CPXM1: variants seen among roughly 807,000 people sequenced by gnomAD.
CPXM1 encodes carboxypeptidase X, M14 family member 1, also known as probable carboxypeptidase X1.
Under a neutral mutation model 80.4 loss-of-function variants are expected in CPXM1, and 72 were observed. The observed-to-expected ratio is 0.90, with a 90% CI of 0.74 to 1.09. The LOEUF is 1.09. Among genes scored for constraint, CPXM1 ranks in the 50% least tolerant of loss-of-function variants. The probability of loss-of-function intolerance (pLI) is 0.00; values close to 1 mark genes in which losing one functional copy is unlikely to be tolerated. For synonymous variants in CPXM1, 403 were observed against 405.6 expected (o/e 0.99, Z 0.08); for missense variants, 892 against 999.4 (o/e 0.89, Z 1.45).
chr20:2,797,125 G>C (rs777120635), intron 6 of CPXM1, 31 bp from the exon 7 acceptor site: 1 of 1,613,750 alleles, frequency 6.2e-7, no homozygotes, highest in South Asian at 1.1e-5. Context: ...GGTAAAGGGT[G>C]TGTCCACAGT....
In CPXM1 at chr20:2,800,438, A is replaced by G. The variant is rs2088558902; in HGVS notation, c.135T>C (p.His45=). ...CCGCCGGCGGCTGTGCCGGGCTGCT[A>G]TGCAGGGCCGGGGTCGAGCCTGGGA... ...TKVPGSTPAL[H]SSPAQPPAET... Residue 45 remains histidine (H), a synonymous_variant, in exon 1 of 14, where the codon CAT becomes CAC. Coordinates refer to ENST00000380605, the MANE Select transcript of CPXM1 (RefSeq NM_019609.5). 6.6e-7 allele frequency: 1 copy of G among 1,519,704 alleles called. No individual in the cohort carries two copies. The highest frequency in any genetic ancestry group is 8.8e-7 in the Non-Finnish European group (1 of 1,141,544). 94.1% of individuals were successfully genotyped at this position (1,519,704 alleles called of 1,614,324 possible).
At position 2,795,521 on chromosome 20, in the gene CPXM1, G is replaced by C; in HGVS notation, c.1720+78C>G. 1 of 1,586,998 alleles carries C rather than the reference G, an allele frequency of 6.3e-7. No homozygotes were observed. The highest frequency in any genetic ancestry group is 8.6e-7 in the Non-Finnish European group (1 of 1,163,380). ...CACTTCAGAGTGGGAACAGACGCCAGCACTGTACGCAACCGCAGGCTGTCT... is the reference window on the plus strand; with the variant it reads ...CACTTCAGAGTGGGAACAGACGCCACCACTGTACGCAACCGCAGGCTGTCT... On this transcript the variant is annotated intron_variant, in intron 11 of 13. Coordinates refer to ENST00000380605, the MANE Select transcript of CPXM1 (RefSeq NM_019609.5). This position sits in a 1 kb window ranked among gnomAD's most constrained non-coding sequence, Gnocchi z 5.4.
In CPXM1 at chr20:2,800,405, A is replaced by G; in HGVS notation, c.168T>C (p.Ala56=). Residue 56 remains alanine (A), a synonymous_variant, in exon 1 of 14, where the codon GCT becomes GCC. Transcript: ENST00000380605. ...ACCGTCGGTCGGGGAACTCACCGTT[A>G]GCTGTCTCCGCCGGCGGCTGTGCCG... is the stretch of plus-strand genomic sequence containing the variant. The part of the protein sequence containing the change: ...SSPAQPPAET[A]NGTSEQHVRI... 2 of 1,531,316 alleles carry G rather than the reference A, an allele frequency of 1.3e-6. No homozygotes were observed. Among genetic ancestry groups the G allele is most frequent in the Non-Finnish European group, 1.7e-6 (2 of 1,146,882 alleles). The allele number at this position is 1,531,316 out of a possible 1,614,324, so 94.9% of individuals were successfully genotyped here. A position where few individuals can be genotyped will look rare whatever the true frequency, so the allele number is the denominator to read the frequency against.
In CPXM1 at chr20:2,796,504, C is replaced by T; in HGVS notation, c.1045+23G>A. 6.2e-7 allele frequency: 1 copy of T among 1,613,798 alleles called. No individual in the cohort carries two copies. Among genetic ancestry groups the T allele is most frequent in the Non-Finnish European group, 8.5e-7 (1 of 1,179,798 alleles). ...CTGGGGCCCTGCCCTGTGCCTACCT[C>T]TCCCCACTCCCCATGCCAGTACCCA... On this transcript the variant is annotated intron_variant, in intron 8 of 13. Transcript: ENST00000380605. This position sits in a 1 kb window ranked among gnomAD's most constrained non-coding sequence, Gnocchi z 6.8.
In CPXM1 at chr20:2,800,510, C is replaced by G; in HGVS notation, c.63G>C (p.Ala21=). ...CGAGGCCCAGCACCGAGTTCCTGGG[C>G]GCCCCCAGAGCCGGGCCGACGGCCG... is the stretch of plus-strand genomic sequence containing the variant. ...FAPAVGPALG[A]PRNSVLGLAQ... is the part of the protein sequence containing the mutation. Residue 21 remains alanine, a synonymous_variant, in exon 1 of 14, where the codon GCG becomes GCC. Transcript: ENST00000380605. 1 of 1,376,730 alleles carries G rather than the reference C, an allele frequency of 7.3e-7. No homozygotes were observed. Among genetic ancestry groups the G allele is most frequent in the Non-Finnish European group, 9.3e-7 (1 of 1,071,626 alleles). The allele number at this position is 1,376,730 out of a possible 1,614,324, so 85.3% of individuals were successfully genotyped here. A position where few individuals can be genotyped will look rare whatever the true frequency, so the allele number is the denominator to read the frequency against.
intron 1 of CPXM1, 49 bp downstream of exon 1, chr20:2,800,352 G>A: frequency 1.4e-6 from 2 of 1,455,986 alleles, no homozygotes; most frequent in Non-Finnish European, 1.8e-6. Context: ...GGGCAGGAGA[G>A]CCGGGCAGTC....
chr20:2,800,429 C>T lies in CPXM1; in HGVS notation c.144G>A (p.Pro48=), dbSNP rs760947791. ...TAGCTGTCTCCGCCGGCGGCTGTGC[C>T]GGGCTGCTATGCAGGGCCGGGGTCG... ...PGSTPALHSS[P]AQPPAETANG... is the part of the protein sequence containing the mutation. The change falls in exon 1 of 14, where the codon CCG becomes CCA. Residue 48 remains proline (P), a synonymous_variant. Coordinates refer to ENST00000380605, the MANE Select transcript of CPXM1 (RefSeq NM_019609.5). The T allele has an allele frequency of 9.8e-6, 15 of 1,526,086 alleles. No homozygotes were observed. The highest frequency in any genetic ancestry group is 8.5e-5 in the South Asian group (7 of 82,012). The allele number at this position is 1,526,086 out of a possible 1,614,324, so 94.5% of individuals were successfully genotyped here. A position where few individuals can be genotyped will look rare whatever the true frequency, so the allele number is the denominator to read the frequency against.
Position 2,797,192 on chromosome 20 carries a change from C to T in CPXM1, c.832G>A (p.Asp278Asn). The change falls in exon 6 of 14, where the codon GAC becomes AAC. Residue 278 changes from aspartate (D) to asparagine (N), a missense_variant and splice_region_variant. Coordinates refer to ENST00000380605, the MANE Select transcript of CPXM1 (RefSeq NM_019609.5). ...RAEILACPVS[D>N]PNDLFLEAPA... ...AACCAACCCTGGCCTGACTGCCCAC[C>T]TGAGACTGGGCAGGCCAGGATCTCT... The T allele has an allele frequency of 6.3e-7, 1 of 1,596,074 alleles. No individual in the cohort carries two copies. Among genetic ancestry groups the T allele is most frequent in the East Asian group, 2.3e-5 (1 of 44,394 alleles).
At chr20:2,798,342 G>C in intron 3 of CPXM1, 51 bp from the exon 4 acceptor site, 1 of 1,607,700 alleles carries the variant, frequency 6.2e-7, no homozygotes. Context: ...AGTGGGGCAG[G>C]CCAGGACAGA....
chr20:2,798,108 C>G (rs533317054), intron 4 of CPXM1, 44 bp downstream of exon 4: 1 of 1,613,580 alleles, frequency 6.2e-7, no homozygotes, highest in Non-Finnish European at 8.5e-7. Flanking sequence ...GACTCCCACC[C>G]CAGTCCTTCT....
rs747229395 is a variant in CPXM1 at position 2,795,882 on chromosome 20, C to A, written c.1437G>T (p.Thr479=). ...GCTTCATCCACTTGATTACTGCCCG[C>A]GTTTCAGGAGCCACCTGGATGGGGC... ...TLPNATVAPE[T]RAVIKWMKRI... The change falls in exon 11 of 14, where the codon ACG becomes ACT. Residue 479 remains threonine, a synonymous_variant. Coordinates refer to ENST00000380605, the MANE Select transcript of CPXM1 (RefSeq NM_019609.5). This position sits in a 1 kb window ranked among gnomAD's most constrained non-coding sequence, Gnocchi z 5.4. The A allele has an allele frequency of 6.2e-7, 1 of 1,609,746 alleles. No homozygotes were observed. Among genetic ancestry groups the A allele is most frequent in the East Asian group, 2.2e-5 (1 of 44,760 alleles).
rs1395987449 is a variant in CPXM1 at position 2,797,322 on chromosome 20, G to A, written c.702C>T (p.Asp234=). The A allele has an allele frequency of 1.4e-5, 21 of 1,520,902 alleles. No homozygotes were observed. Among genetic ancestry groups the A allele is most frequent in the Non-Finnish European group, 1.8e-5 (21 of 1,136,222 alleles). The allele number at this position is 1,520,902 out of a possible 1,614,324, so 94.2% of individuals were successfully genotyped here. The change falls in exon 6 of 14, where the codon GAC becomes GAT. Residue 234 remains aspartate (D), a synonymous_variant. Coordinates refer to ENST00000380605, the MANE Select transcript of CPXM1 (RefSeq NM_019609.5). The part of the protein sequence containing the change: ...GMDAVFPANS[D]PETPVLNLLP... ...GGAGGTTCAGCACTGGAGTTTCTGG[G>A]TCTGAATTGGCAGGAAATACCTGGG...
chr20:2,797,871 T>A, intron 5 of CPXM1, 97 bp downstream of exon 5: 2 of 1,103,598 alleles, frequency 1.8e-6, no homozygotes, highest in Non-Finnish European at 2.7e-6. Context: ...AAGCCTAAGC[T>A]GGCGTCTATT....
chr20:2,800,187 G>A (rs1024424417), intron 1 of CPXM1, among the ~76,000 whole-genome samples: 1 of 151,786 alleles, frequency 6.6e-6, no homozygotes, highest in South Asian at 2.1e-4. Context: ...GTGAATGCGC[G>A]CGCGTGTGAG....
Position 2,795,211 on chromosome 20 carries a change from G to T in CPXM1, c.1860+66C>A. On this transcript the variant is annotated intron_variant, in intron 12 of 13. Coordinates refer to ENST00000380605, the MANE Select transcript of CPXM1 (RefSeq NM_019609.5). This position sits in a 1 kb window ranked among gnomAD's most constrained non-coding sequence, Gnocchi z 5.4. Reference sequence around the variant, plus strand: ...TGGACCTTAGAAGAACCCCTGGTAGGAGCTGTAGCCTAAATGGACAGCAGG... The same window carrying T: ...TGGACCTTAGAAGAACCCCTGGTAGTAGCTGTAGCCTAAATGGACAGCAGG... 1 of 1,566,148 alleles carries T rather than the reference G, an allele frequency of 6.4e-7. No individual in the cohort carries two copies.
At position 2,794,810 on chromosome 20, in the gene CPXM1, T is replaced by A. The variant is rs77723216; in HGVS notation, c.1861-171A>T. On this transcript the variant is annotated intron_variant, in intron 12 of 13. Coordinates refer to ENST00000380605, the MANE Select transcript of CPXM1 (RefSeq NM_019609.5). This position sits in a 1 kb window ranked among gnomAD's most constrained non-coding sequence, Gnocchi z 5.2. ...AAAAAAAGAAATCCTGATTGACAAA[T>A]CACATCTGGACTAAGAAAATGATAA... is the stretch of plus-strand genomic sequence containing the variant. Among the ~76,000 whole-genome samples the A allele has an allele frequency of 0.066, 9,972 of 151,900 alleles. 713 individuals are homozygous for A. Among genetic ancestry groups the A allele is most frequent in the East Asian group, 0.2 (1,027 of 5,172 alleles).
At position 2,798,183 on chromosome 20, in the gene CPXM1, C is replaced by T. The variant is rs2088529736; in HGVS notation, c.559G>A (p.Val187Ile). 5.6e-6 allele frequency: 9 copies of T among 1,614,038 alleles called. No homozygotes were observed. The highest frequency in any genetic ancestry group is 1.1e-5 in the South Asian group (1 of 91,078). The change falls in exon 4 of 14, where the codon GTT (valine) becomes ATT (isoleucine). Residue 187 changes from valine (V) to isoleucine (I), a missense_variant. This residue lies in a region of CPXM1 where 874 missense variants were observed against 958.4 expected (regional missense o/e 0.91). Coordinates refer to ENST00000380605, the MANE Select transcript of CPXM1 (RefSeq NM_019609.5). ...DAGHPTRFSG[V>I]ITQGRNSVWR... is the part of the protein sequence containing the mutation. ...ACAGAGTTCCTGCCCTGTGTGATAACACCCGAGAAGCGGGTGGGGTGCCCA... is the reference window on the plus strand; with the variant it reads ...ACAGAGTTCCTGCCCTGTGTGATAATACCCGAGAAGCGGGTGGGGTGCCCA...
Position 2,794,358 on chromosome 20 carries a change from A to G in CPXM1, c.2037T>C (p.His679=), listed in dbSNP as rs2088482368. ...YMVTASAEGY[H]SVTRNCRVTF... is the part of the protein sequence containing the mutation. ...TGACCCGACAGTTCCGTGTCACTGA[A>G]TGGTAGCCCTCGGCACTGGCAGTCA... Residue 679 remains histidine (H), a synonymous_variant, in exon 14 of 14, where the codon CAT becomes CAC. Transcript: ENST00000380605. The surrounding 1 kb of genome is among the most constrained non-coding windows in gnomAD (Gnocchi z 5.2). The G allele has an allele frequency of 6.2e-7, 1 of 1,613,986 alleles. No individual in the cohort carries two copies. The highest frequency in any genetic ancestry group is 1.3e-5 in the African/African-American group (1 of 74,894).
At chr20:2,798,348 A>G in intron 3 of CPXM1, 57 bp from the exon 4 acceptor site, 1 of 1,606,316 alleles carries the variant, frequency 6.2e-7, no homozygotes, top group Non-Finnish European at 8.5e-7. Flanking sequence ...GCAGGCCAGG[A>G]CAGAGAGGAG....
Sources: gnomAD v4.1 joint callset for allele counts (sites outside exome capture counted in the v4.1 genomes callset) on GRCh38, gnomAD v4.1.1 for gene constraint, gnomAD v4.1.1 regional missense constraint, Gnocchi (gnomAD v3.1) non-coding constraint, MANE v1.5 for transcripts, NCBI Gene and HGNC (gene_info 2026-07-23, HGNC 2026-07-21) for gene names.